STAU2: variants seen among roughly 807,000 people sequenced by gnomAD.
The protein encoded by STAU2 is double-stranded RNA-binding protein Staufen homolog 2.
In STAU2, 20 loss-of-function variants were observed where a neutral mutation model predicts 65.9. The ratio of observed to expected loss-of-function variants is 0.30; its 90% CI spans 0.21 to 0.44. The LOEUF is 0.44. Among genes scored for constraint, STAU2 ranks in the 20% least tolerant of loss-of-function variants. The probability of loss-of-function intolerance (pLI) is 1.00; values close to 1 mark genes in which losing one functional copy is unlikely to be tolerated. For missense variants in STAU2, 558 were observed against 683.9 expected, an observed-to-expected ratio of 0.82 and a Z score of 2.05; for synonymous variants, 232 against 233.9, an observed-to-expected ratio of 0.99 and a Z score of 0.07.
upstream of STAU2, chr8:73,747,248 G>C: frequency 9.7e-7 from 1 of 1,028,970 alleles, no homozygotes; most frequent in South Asian, 1.6e-5. Flanking sequence ...TCCCCGGCGC[G>C]ACTCCCCGCC....
At chr8:73,548,466 C>A (rs926823065) in intron 13 of STAU2, among the ~76,000 whole-genome samples, 13 of 151,898 alleles carry the variant, frequency 8.6e-5, no homozygotes, top group Non-Finnish European at 1.6e-4. Flanking sequence ...TTAAAAGAAG[C>A]CTGTGGCTAT....
intron 13 of STAU2, among the ~76,000 whole-genome samples, chr8:73,456,664 CAGAT>C (rs1386912025): frequency 6.6e-6 from 1 of 152,134 alleles, no homozygotes; most frequent in Non-Finnish European, 1.5e-5. Context: ...TCCGTCTTAC[CAGAT>C]AATTATTCTC....
chr8:73,437,355 CA>C (rs1817780094), intron 13 of STAU2, among the ~76,000 whole-genome samples: 1 of 152,134 alleles, frequency 6.6e-6, no homozygotes, highest in African/African-American at 2.4e-5. Context: ...GAGATAGAGA[CA>C]TGATGATCGG....
chr8:73,452,970 A>C (rs1461833528), intron 13 of STAU2, among the ~76,000 whole-genome samples: 1 of 152,236 alleles, frequency 6.6e-6, no homozygotes, highest in African/African-American at 2.4e-5. Context: ...TTAGTTTGGA[A>C]ATGAACTAGG....
intron 6 of STAU2, among the ~76,000 whole-genome samples, chr8:73,633,939 C>CG (rs1298327225): frequency 6.6e-6 from 1 of 151,900 alleles, no homozygotes; most frequent in Non-Finnish European, 1.5e-5. Context: ...GATCATGCCA[C>CG]GGAACTCCAG....
At chr8:73,673,857 A>C (rs1032712459) in intron 5 of STAU2, among the ~76,000 whole-genome samples, 4 of 152,088 alleles carry the variant, frequency 2.6e-5, no homozygotes, top group Non-Finnish European at 4.4e-5. Flanking sequence ...CAACCTAAAC[A>C]ACCATCAATG....
In STAU2 at chr8:73,422,695, A is replaced by G. The variant is rs868404969; in HGVS notation, c.1538T>C (p.Leu513Ser). The G allele has an allele frequency of 1.0e-5, 15 of 1,483,574 alleles. No individual in the cohort carries two copies. The African/African-American group carries it at 1.9e-4, about 19-fold the overall frequency. 91.9% of individuals were successfully genotyped at this position (1,483,574 alleles called of 1,614,324 possible). A position where few individuals can be genotyped will look rare whatever the true frequency, so the allele number is the denominator to read the frequency against. Reference sequence around the variant, plus strand: ...TTCAGAAAATTGTTTCAAGGCACTTAAGGCTGCCTAAAAATGAAAACAAAC... The same window carrying G: ...TTCAGAAAATTGTTTCAAGGCACTTGAGGCTGCCTAAAAATGAAAACAAAC... ...LARIQGFQAA[L>S]SALKQFSEQG... The change falls in exon 14 of 15, where the codon TTA (leucine) becomes TCA (serine). Residue 513 changes from leucine (L) to serine (S), a missense_variant. Leu to Ser is a moderately radical substitution (Grantham distance 145). This residue lies in a region of STAU2 where 247 missense variants were observed against 270.1 expected (regional missense o/e 0.91). Transcript: ENST00000524300.
chr8:73,566,056 C>A (rs1808581763), intron 12 of STAU2, among the ~76,000 whole-genome samples: 1 of 152,182 alleles, frequency 6.6e-6, no homozygotes, highest in African/African-American at 2.4e-5. Flanking sequence ...ATGCACCAGA[C>A]TGGAGCCCAG....
chr8:73,550,752 G>A (rs566841090), intron 13 of STAU2: 35 of 987,226 alleles, frequency 3.5e-5, no homozygotes, highest in African/African-American at 1.4e-4. Flanking sequence ...TGACAGAGCC[G>A]ATAACTGGTA....
At chr8:73,449,742 C>T (rs1458762269) in intron 13 of STAU2, among the ~76,000 whole-genome samples, 2 of 152,188 alleles carry the variant, frequency 1.3e-5, no homozygotes, top group Non-Finnish European at 2.9e-5. Context: ...CCAGCCCACC[C>T]CTTTCTTGTT....
intron 13 of STAU2, among the ~76,000 whole-genome samples, chr8:73,523,325 A>AGAGCACAG (rs1823161576): frequency 6.6e-6 from 1 of 152,132 alleles, no homozygotes; most frequent in Non-Finnish European, 1.5e-5. Context: ...ACACACCAAG[A>AGAGCACAG]GAGCACAGGA....
At chr8:73,743,866 G>A (rs541357261) in intron 1 of STAU2, among the ~76,000 whole-genome samples, 69 of 151,076 alleles carry the variant, frequency 4.6e-4, no homozygotes, top group Non-Finnish European at 8.3e-4. Flanking sequence ...CTGCCTCCCG[G>A]GTTCAAGCGA....
chr8:73,574,907 A>AAAAT (rs929429168), intron 12 of STAU2, among the ~76,000 whole-genome samples: 5 of 151,842 alleles, frequency 3.3e-5, no homozygotes, highest in South Asian at 2.1e-4. Flanking sequence ...AAAGTATAAT[A>AAAAT]AAATAAATAA....
chr8:73,535,681 A>C (rs527505725), intron 13 of STAU2, among the ~76,000 whole-genome samples: 1 of 152,220 alleles, frequency 6.6e-6, no homozygotes, highest in Non-Finnish European at 1.5e-5. Context: ...TGACATACCT[A>C]TATACATCAT....
chr8:73,688,885 AAAAT>A (rs1819134579), intron 4 of STAU2, 72 bp from the exon 5 acceptor site: 1 of 1,543,340 alleles, frequency 6.5e-7, no homozygotes, highest in African/African-American at 1.4e-5. Flanking sequence ...GTCTGAGAGA[AAAAT>A]AAACATCATA....
intron 13 of STAU2, chr8:73,527,780 C>A (rs868188270): frequency 1.3e-6 from 2 of 1,536,632 alleles, no homozygotes; most frequent in Admixed American, 3.9e-5. Flanking sequence ...CACTCTTTGC[C>A]ACTTTGTCTA....
At chr8:73,451,288 C>G (rs1477131083) in intron 13 of STAU2, among the ~76,000 whole-genome samples, 4 of 152,084 alleles carry the variant, frequency 2.6e-5, no homozygotes. Context: ...ATATGCTTTT[C>G]CAGTGCACTT....
chr8:73,657,032 T>C (rs530078866), intron 6 of STAU2, among the ~76,000 whole-genome samples: 1 of 152,198 alleles, frequency 6.6e-6, no homozygotes, highest in African/African-American at 2.4e-5. Flanking sequence ...ATATAACAGT[T>C]ATGAATACCT....
intron 6 of STAU2, among the ~76,000 whole-genome samples, chr8:73,639,125 T>A (rs1814770500): frequency 6.6e-6 from 1 of 152,062 alleles, no homozygotes; most frequent in Non-Finnish European, 1.5e-5. Flanking sequence ...CAGATATTAT[T>A]TAAATTGTAG....
Sources: allele counts gnomAD v4.1 joint callset (sites outside exome capture counted in the v4.1 genomes callset), GRCh38; gene constraint gnomAD v4.1.1; regional missense constraint gnomAD v4.1.1; transcripts MANE v1.5; gene names NCBI Gene and HGNC (gene_info 2026-07-23, HGNC 2026-07-21).